RNF6: variants seen among roughly 807,000 people sequenced by gnomAD.
RNF6 encodes the protein ring finger protein 6.
In RNF6, 21 loss-of-function variants were observed where a neutral mutation model predicts 50.1. The observed-to-expected ratio is 0.42, with a 90% CI of 0.30 to 0.60. The LOEUF (loss-of-function observed/expected upper bound fraction) is 0.60, where lower values mean the gene tolerates loss of function less well. RNF6 is among the 20% of genes least tolerant of loss of function. RNF6 has a pLI of 0.20. For synonymous variants in RNF6, 255 were observed against 291.8 expected, an observed-to-expected ratio of 0.87 and a Z score of 1.29; for missense variants, 698 against 838.2, an observed-to-expected ratio of 0.83 and a Z score of 2.07.
chr13:26,147,544 T>C (rs1052908583), intron 5 of RNF6, among the ~76,000 whole-genome samples: 11 of 152,306 alleles, frequency 7.2e-5, no homozygotes, highest in Non-Finnish European at 1.5e-4. Flanking sequence ...GTAGACAGGC[T>C]GCTTTCACTG....
At chr13:26,185,137 C>G (rs1412813370) in intron 5 of RNF6, among the ~76,000 whole-genome samples, 1 of 152,042 alleles carries the variant, frequency 6.6e-6, no homozygotes, top group Non-Finnish European at 1.5e-5. Context: ...GCTGGGACAA[C>G]AGGCGCACAC....
chr13:26,135,683 G>A (rs531357790), intron 5 of RNF6: 1 of 152,238 alleles, frequency 6.6e-6, no homozygotes, highest in East Asian at 1.9e-4. Context: ...GACTCCTAAG[G>A]TTTGGATGTT....
chr13:26,221,086 C>T lies in RNF6; in HGVS notation c.-19+162G>A, dbSNP rs1593204246. On this transcript the variant is annotated intron_variant, in intron 2 of 4. Transcript: ENST00000381588. ...GATTAAGACCATAATTAGCAAAGAG[C>T]ATATTTCGTAGGTACAGCAATAATA... Among the ~76,000 whole-genome samples the T allele has an allele frequency of 2.6e-5, 4 of 152,270 alleles. No homozygotes were observed. In the Middle Eastern group the frequency reaches 0.014, roughly 518 times the overall value.
intron 5 of RNF6, among the ~76,000 whole-genome samples, chr13:26,161,695 C>T (rs938502202): frequency 1.3e-5 from 2 of 152,158 alleles, no homozygotes; most frequent in Non-Finnish European, 2.9e-5. Flanking sequence ...TTGGTTCTAA[C>T]ACTTTTTATG....
intron 5 of RNF6, among the ~76,000 whole-genome samples, chr13:26,178,638 GT>G (rs1593169741): frequency 4.2e-5 from 6 of 141,736 alleles, no homozygotes; most frequent in African/African-American, 1.4e-4. Context: ...GTGTGTGTGT[GT>G]GTGGTGAGAA....
At chr13:26,154,474 T>C (rs909959765) in intron 5 of RNF6, among the ~76,000 whole-genome samples, 1 of 152,166 alleles carries the variant, frequency 6.6e-6, no homozygotes, top group East Asian at 1.9e-4. Flanking sequence ...AAGGGGAAGA[T>C]GACAAAGAGT....
chr13:26,180,616 C>T (rs756040525), intron 5 of RNF6, among the ~76,000 whole-genome samples: 19 of 152,154 alleles, frequency 1.2e-4, no homozygotes, highest in East Asian at 1.9e-4. Context: ...CTTGCCATAC[C>T]ATTGCTGATG....
rs541094638 is a variant in RNF6, at chr13:26,166,432, C to T, written n.769-33981G>A. 1.7e-3 allele frequency among the ~76,000 whole-genome samples: 257 copies of T among 152,278 alleles called. 1 individual carries two copies. Among genetic ancestry groups the T allele is most frequent in the Non-Finnish European group, 2.9e-3 (198 of 68,028 alleles). ...TCAAACTATCCCTGTTTGCAGACAA[C>T]GTGATTCTATATCTTGAAAAACCCA... On this transcript the variant is annotated intron_variant and non_coding_transcript_variant, in intron 5 of 5. Transcript: ENST00000468480.
intron 5 of RNF6, among the ~76,000 whole-genome samples, chr13:26,168,372 TTGA>T (rs1025202556): frequency 2.0e-5 from 3 of 152,186 alleles, no homozygotes; most frequent in Non-Finnish European, 2.9e-5. Flanking sequence ...CATCCTGTTC[TTGA>T]TAGTGCACAT....
intron 5 of RNF6, among the ~76,000 whole-genome samples, chr13:26,184,441 A>G (rs925610663): frequency 3.3e-5 from 5 of 152,182 alleles, no homozygotes; most frequent in African/African-American, 1.2e-4. Context: ...TGTTGTATAA[A>G]AATCTGTTTT....
chr13:26,204,648 C>T (rs1324142413), intron 5 of RNF6, among the ~76,000 whole-genome samples: 1 of 152,070 alleles, frequency 6.6e-6, no homozygotes, highest in African/African-American at 2.4e-5. Context: ...GTTTAGAAGA[C>T]GTCCATCTTC....
At chr13:26,139,586 C>T (rs1870827856) in intron 5 of RNF6, among the ~76,000 whole-genome samples, 1 of 152,156 alleles carries the variant, frequency 6.6e-6, no homozygotes, top group Admixed American at 6.6e-5. Flanking sequence ...CCACCAAAAC[C>T]TGTTTAACAC....
intron 5 of RNF6, among the ~76,000 whole-genome samples, chr13:26,178,246 G>T (rs1593169369): frequency 2.0e-5 from 3 of 152,222 alleles, no homozygotes; most frequent in East Asian, 1.9e-4. Flanking sequence ...ACAGAAATTT[G>T]TTTCTCACAG....
intron 5 of RNF6, among the ~76,000 whole-genome samples, chr13:26,145,483 A>C (rs1425528862): frequency 6.7e-6 from 1 of 149,682 alleles, no homozygotes; most frequent in Non-Finnish European, 1.5e-5. Context: ...TGTTCTTGTG[A>C]TAGAGTTCTC....
chr13:26,149,416 T>C (rs992097937), intron 5 of RNF6, among the ~76,000 whole-genome samples: 1 of 151,876 alleles, frequency 6.6e-6, no homozygotes, highest in Non-Finnish European at 1.5e-5. Flanking sequence ...TGAAACCCCA[T>C]CTCTACTAAA....
intron 5 of RNF6, among the ~76,000 whole-genome samples, chr13:26,146,781 C>A (rs771929632): frequency 6.6e-6 from 1 of 152,146 alleles, no homozygotes; most frequent in Non-Finnish European, 1.5e-5. Context: ...CTTAATGGAC[C>A]TGATATGGTT....
intron 5 of RNF6, among the ~76,000 whole-genome samples, chr13:26,178,701 A>G (rs1873091203): frequency 6.7e-6 from 1 of 149,962 alleles, no homozygotes; most frequent in African/African-American, 2.4e-5. Context: ...TGTATTGTTA[A>G]CTACAGTCAT....
At chr13:26,203,191 G>A (rs1868961236) in intron 5 of RNF6, among the ~76,000 whole-genome samples, 1 of 152,202 alleles carries the variant, frequency 6.6e-6, no homozygotes, top group South Asian at 2.1e-4. Flanking sequence ...CTGAGTGCAG[G>A]TTGGGGTTCT....
intron 5 of RNF6, among the ~76,000 whole-genome samples, chr13:26,144,092 G>A (rs1473982207): frequency 1.3e-5 from 2 of 152,000 alleles, no homozygotes; most frequent in Non-Finnish European, 2.9e-5. Context: ...TATCAGGGGG[G>A]CTCAGTGCTG....
Sources: allele counts gnomAD v4.1 joint callset (sites outside exome capture counted in the v4.1 genomes callset), GRCh38; gene constraint gnomAD v4.1.1; transcripts MANE v1.5; gene names NCBI Gene and HGNC (gene_info 2026-07-23, HGNC 2026-07-21).